Variants in FSIP1 observed in about 807,000 individuals in gnomAD.
The protein encoded by FSIP1 is fibrous sheath-interacting protein 1.
A neutral mutation model predicts 60.9 loss-of-function variants in FSIP1; 65 were observed. The ratio of observed to expected loss-of-function variants is 1.07; its 90% CI spans 0.87 to 1.31. FSIP1 has a LOEUF of 1.31. FSIP1 is among the 40% of genes most tolerant of loss of function. The probability of loss-of-function intolerance (pLI) is 0.00; values close to 1 mark genes in which losing one functional copy is unlikely to be tolerated. For synonymous variants in FSIP1, 209 were observed against 221.2 expected (o/e 0.94, Z 0.49); for missense variants, 675 against 665.5 (o/e 1.01, Z -0.16).
intron 10 of FSIP1, among the ~76,000 whole-genome samples, chr15:39,668,799 A>C (rs1220388465): frequency 1.8e-4 from 27 of 152,094 alleles, no homozygotes; most frequent in Admixed American, 1.8e-3. Context: ...CTTTTTCTTC[A>C]CATATATTGA....
chr15:39,710,845 T>C (rs1327253562), intron 10 of FSIP1, among the ~76,000 whole-genome samples: 2 of 152,270 alleles, frequency 1.3e-5, no homozygotes, highest in Non-Finnish European at 2.9e-5. Context: ...AATACTTTAG[T>C]ATCTGTAAAA....
At chr15:39,770,212 T>C (rs111551785) in intron 3 of FSIP1, among the ~76,000 whole-genome samples, 3,078 of 152,300 alleles carry the variant, frequency 0.02, 117 homozygotes, top group African/African-American at 0.068. Context: ...TTAAATGACA[T>C]ATTTTGTTAT....
intron 5 of FSIP1, among the ~76,000 whole-genome samples, chr15:39,763,223 T>G (rs1159881945): frequency 6.6e-6 from 1 of 152,216 alleles, no homozygotes; most frequent in Non-Finnish European, 1.5e-5. Flanking sequence ...TAGTATTTTT[T>G]GATGTTTCAA....
intron 10 of FSIP1, among the ~76,000 whole-genome samples, chr15:39,667,697 T>C (rs540739106): frequency 1.3e-5 from 2 of 152,184 alleles, no homozygotes; most frequent in East Asian, 3.9e-4. Context: ...CCCAATCTAT[T>C]CCAGGGATCA....
At chr15:39,643,136 C>T (rs1892447094) in intron 10 of FSIP1, among the ~76,000 whole-genome samples, 1 of 152,072 alleles carries the variant, frequency 6.6e-6, no homozygotes, top group Admixed American at 6.5e-5. Context: ...CATTTTTAGG[C>T]ACTGGCAGAG....
intron 10 of FSIP1, among the ~76,000 whole-genome samples, chr15:39,625,602 C>T (rs984568988): frequency 6.6e-6 from 1 of 152,210 alleles, no homozygotes; most frequent in Non-Finnish European, 1.5e-5. Context: ...CCACTTGGAT[C>T]AGATGCCCTT....
chr15:39,661,741 A>T (rs1366480444), intron 10 of FSIP1, among the ~76,000 whole-genome samples: 1 of 152,220 alleles, frequency 6.6e-6, no homozygotes, highest in Non-Finnish European at 1.5e-5. Flanking sequence ...AACTGCCTCT[A>T]TAAGAGATAC....
chr15:39,690,093 A>G (rs1894536497), intron 10 of FSIP1, among the ~76,000 whole-genome samples: 1 of 152,240 alleles, frequency 6.6e-6, no homozygotes, highest in African/African-American at 2.4e-5. Context: ...GCAAAGATTC[A>G]GTGGCATAAA....
intron 8 of FSIP1, 97 bp from the exon 9 acceptor site, chr15:39,726,844 CACACACAA>C: frequency 1.5e-6 from 1 of 657,192 alleles, no homozygotes; most frequent in Non-Finnish European, 2.6e-6. Context: ...TCTTCACATA[CACACACAA>C]ACACACACAC....
chr15:39,725,348 A>C (rs372102186), intron 9 of FSIP1, among the ~76,000 whole-genome samples: 7 of 152,246 alleles, frequency 4.6e-5, no homozygotes, highest in African/African-American at 1.7e-4. Context: ...AGTGAGAACA[A>C]CAGCACCACT....
chr15:39,716,109 T>G (rs1384711498), intron 9 of FSIP1, among the ~76,000 whole-genome samples: 1 of 152,174 alleles, frequency 6.6e-6, no homozygotes, highest in Non-Finnish European at 1.5e-5. Context: ...AGAAATATTT[T>G]TTAAAGGAAA....
chr15:39,711,606 A>C (rs1895509016), intron 10 of FSIP1, among the ~76,000 whole-genome samples: 1 of 151,352 alleles, frequency 6.6e-6, no homozygotes, highest in Non-Finnish European at 1.5e-5. Flanking sequence ...CATCGAATTC[A>C]CAATGTACTA....
chr15:39,614,694 AT>A (rs560603146), intron 11 of FSIP1, among the ~76,000 whole-genome samples: 179 of 152,190 alleles, frequency 1.2e-3, no homozygotes, highest in African/African-American at 4.0e-3. Context: ...GACTGAAAGA[AT>A]TAATGGTTAA....
In FSIP1 at chr15:39,641,347, C is replaced by A. The variant is rs146587239; in HGVS notation, c.1189-23102G>T. ...TAGAGCACAAAAGCAAAGTTCAGGC[C>A]CTCATTTTAGAATCAACATGGGTGG... On this transcript the variant is annotated intron_variant, in intron 10 of 11. Transcript: ENST00000350221. 6.9e-4 allele frequency among the ~76,000 whole-genome samples: 105 copies of A among 152,142 alleles called. 2 individuals carry two copies. The East Asian group carries it at 9.5e-3, about 14-fold the overall frequency.
intron 9 of FSIP1, among the ~76,000 whole-genome samples, chr15:39,725,874 T>C (rs534451201): frequency 6.6e-6 from 1 of 151,828 alleles, no homozygotes; most frequent in South Asian, 2.1e-4. Context: ...AACCTCCACC[T>C]CCTGGGTTCA....
intron 8 of FSIP1, among the ~76,000 whole-genome samples, chr15:39,730,022 T>C (rs1416492489): frequency 1.3e-5 from 2 of 152,064 alleles, no homozygotes; most frequent in African/African-American, 4.8e-5. Flanking sequence ...CCTGCATGTG[T>C]ACCCCTGAAC....
chr15:39,617,135 T>A (rs781451560), intron 11 of FSIP1, among the ~76,000 whole-genome samples: 1 of 152,162 alleles, frequency 6.6e-6, no homozygotes, highest in Non-Finnish European at 1.5e-5. Context: ...GAGGTAAAAA[T>A]TGAATCTATT....
intron 10 of FSIP1, among the ~76,000 whole-genome samples, chr15:39,690,020 G>C (rs570457607): frequency 2.6e-5 from 4 of 152,294 alleles, no homozygotes; most frequent in Admixed American, 2.6e-4. Context: ...CTACCATAAA[G>C]GGGAAGATAT....
chr15:39,776,681 A>C (rs564856798), intron 1 of FSIP1, 150 bp from the exon 2 acceptor site: 1 of 667,972 alleles, frequency 1.5e-6, no homozygotes, highest in East Asian at 2.8e-5. Flanking sequence ...GCTTCACCAA[A>C]AGACATCTTG....
Sources: allele counts gnomAD v4.1 joint callset (sites outside exome capture counted in the v4.1 genomes callset), GRCh38; gene constraint gnomAD v4.1.1; transcripts MANE v1.5; gene names NCBI Gene and HGNC (gene_info 2026-07-23, HGNC 2026-07-21).